The following CCDC91 variants were observed in gnomAD, a reference collection of about 807,000 sequenced individuals.
CCDC91 encodes coiled-coil domain containing 91.
In CCDC91, 48 loss-of-function variants were observed where a neutral mutation model predicts 63.2. That is an observed-to-expected ratio of 0.76 (90% CI 0.60 to 0.97). The LOEUF is 0.97. CCDC91 is among the 50% of genes least tolerant of loss of function. CCDC91 has a pLI of 0.00. For missense variants in CCDC91, 500 were observed against 494.6 expected (o/e 1.01, Z -0.10); for synonymous variants, 167 against 165.8 (o/e 1.01, Z -0.06).
intron 6 of CCDC91, among the ~76,000 whole-genome samples, chr12:28,317,525 C>A (rs768232695): frequency 1.3e-5 from 2 of 151,772 alleles, no homozygotes; most frequent in African/African-American, 2.4e-5. Context: ...GTGTCTGTGT[C>A]TCTAAGAATT....
chr12:28,241,891 GA>G (rs1945360477), intron 1 of CCDC91, among the ~76,000 whole-genome samples: 2 of 151,016 alleles, frequency 1.3e-5, no homozygotes, highest in South Asian at 4.2e-4. Context: ...AGCTACTTGG[GA>G]GGTTGAGGCA....
intron 3 of CCDC91, among the ~76,000 whole-genome samples, chr12:28,264,903 CCCGTGCA>C (rs1278048216): frequency 4.6e-5 from 7 of 151,860 alleles, no homozygotes; most frequent in Admixed American, 1.3e-4. Flanking sequence ...AATGCCATGA[CCCGTGCA>C]CCTTATTTCA....
At chr12:28,518,701 G>T (rs944050041) in intron 12 of CCDC91, among the ~76,000 whole-genome samples, 6 of 151,794 alleles carry the variant, frequency 4.0e-5, no homozygotes, top group African/African-American at 1.5e-4. Flanking sequence ...ATTTGTTTTT[G>T]GGTTCTTGGT....
chr12:28,368,811 A>C (rs1321503012), intron 7 of CCDC91, among the ~76,000 whole-genome samples: 3 of 150,362 alleles, frequency 2.0e-5, no homozygotes, highest in Non-Finnish European at 4.5e-5. Context: ...TTCACAAGGC[A>C]GCAGTGGGGA....
At chr12:28,296,947 T>C (rs564998305) in intron 3 of CCDC91, among the ~76,000 whole-genome samples, 1 of 151,946 alleles carries the variant, frequency 6.6e-6, no homozygotes, top group East Asian at 1.9e-4. Flanking sequence ...GAAAATACAT[T>C]TGGGGATCAG....
intron 12 of CCDC91, among the ~76,000 whole-genome samples, chr12:28,532,718 C>G (rs553735893): frequency 2.6e-5 from 4 of 152,138 alleles, no homozygotes; most frequent in African/African-American, 9.6e-5. Context: ...AACTAGGAAG[C>G]TTATGATAAA....
At chr12:28,527,487 A>C (rs1348480259) in intron 12 of CCDC91, among the ~76,000 whole-genome samples, 1 of 152,218 alleles carries the variant, frequency 6.6e-6, no homozygotes, top group Non-Finnish European at 1.5e-5. Flanking sequence ...GGATACGAGC[A>C]CCTGCTCGGG....
At chr12:28,236,336 A>G (rs1056074198) in intron 1 of CCDC91, 4 of 151,996 alleles carry the variant, frequency 2.6e-5, no homozygotes, top group African/African-American at 7.2e-5. Flanking sequence ...ACTTGATTTT[A>G]TGTTATTTGA....
intron 12 of CCDC91, among the ~76,000 whole-genome samples, chr12:28,513,186 A>G (rs1366283249): frequency 6.6e-6 from 1 of 151,886 alleles, no homozygotes; most frequent in African/African-American, 2.4e-5. Flanking sequence ...ATGCAGCTAC[A>G]TCATAATAAT....
At chr12:28,314,672 C>T (rs1939658655) in intron 6 of CCDC91, among the ~76,000 whole-genome samples, 1 of 151,872 alleles carries the variant, frequency 6.6e-6, no homozygotes, top group African/African-American at 2.4e-5. Flanking sequence ...GTATCTTTGT[C>T]AGAATTGTAG....
At chr12:28,474,200 G>A (rs1329402218) in intron 11 of CCDC91, among the ~76,000 whole-genome samples, 1 of 152,006 alleles carries the variant, frequency 6.6e-6, no homozygotes, top group East Asian at 1.9e-4. Context: ...ACTCCACTCT[G>A]CCTTAAAAGT....
intron 8 of CCDC91, among the ~76,000 whole-genome samples, chr12:28,442,637 A>G (rs1189224862): frequency 6.6e-6 from 1 of 152,114 alleles, no homozygotes; most frequent in African/African-American, 2.4e-5. Context: ...CTCAGAGGGC[A>G]TGGATCTAGA....
rs182266936 is a variant in CCDC91 at position 28,362,366 on chromosome 12, A to G, written c.577-72A>G. The G allele has an allele frequency of 9.5e-5, 102 of 1,071,588 alleles. No homozygotes were observed. The East Asian group carries it at 2.5e-3, about 27-fold the overall frequency. 66.4% of individuals were successfully genotyped at this position (1,071,588 alleles called of 1,614,324 possible). A position where few individuals can be genotyped will look rare whatever the true frequency, so the allele number is the denominator to read the frequency against. On this transcript the variant is annotated intron_variant, in intron 6 of 12. Transcript: ENST00000536442. The stretch of plus-strand genomic sequence containing the variant: ...CTGAATCATTCGTGGAAGCAGCAAA[A>G]GTCTATGGTTTTATTATTTTGAAAA...
intron 3 of CCDC91, among the ~76,000 whole-genome samples, chr12:28,287,158 G>T (rs920706801): frequency 6.6e-6 from 1 of 152,006 alleles, no homozygotes; most frequent in African/African-American, 2.4e-5. Context: ...TCTGTAGATT[G>T]TCTGTATACT....
In CCDC91 at chr12:28,371,163, T is replaced by C. The variant is rs78511704; in HGVS notation, c.654+8648T>C. Among the ~76,000 whole-genome samples, 1,402 of 152,276 alleles carry C rather than the reference T, an allele frequency of 9.2e-3. 26 individuals carry two copies. The highest frequency in any genetic ancestry group is 0.032 in the African/African-American group (1,332 of 41,558). On this transcript the variant is annotated intron_variant, in intron 7 of 12. Transcript: ENST00000536442. ...GTGGTGGTTTGTATAGCAGGGGTCC[T>C]TAACCCCCAGGCTGTGGACCGGTAC...
intron 12 of CCDC91, among the ~76,000 whole-genome samples, chr12:28,509,464 GT>G (rs1436001465): frequency 6.6e-6 from 1 of 151,812 alleles, no homozygotes; most frequent in Non-Finnish European, 1.5e-5. Context: ...TATTTATTAT[GT>G]TTAAACAAAA....
intron 3 of CCDC91, among the ~76,000 whole-genome samples, chr12:28,273,698 T>A (rs1947967266): frequency 6.6e-6 from 1 of 152,048 alleles, no homozygotes; most frequent in South Asian, 2.1e-4. Flanking sequence ...TTTGTTTTTT[T>A]CTTGTAAATT....
At chr12:28,305,369 G>A (rs1372454263) in intron 3 of CCDC91, among the ~76,000 whole-genome samples, 1 of 151,866 alleles carries the variant, frequency 6.6e-6, no homozygotes, top group Non-Finnish European at 1.5e-5. Flanking sequence ...ACTCCTTATG[G>A]CACTGTGTTG....
At chr12:28,452,964 C>T (rs549704387) in intron 11 of CCDC91, among the ~76,000 whole-genome samples, 14 of 151,536 alleles carry the variant, frequency 9.2e-5, no homozygotes, top group African/African-American at 3.1e-4. Context: ...GTTGTTTTTC[C>T]TTTTCTCATA....
Sources: gnomAD v4.1 joint callset for allele counts (sites outside exome capture counted in the v4.1 genomes callset) on GRCh38, gnomAD v4.1.1 for gene constraint, MANE v1.5 for transcripts, NCBI Gene and HGNC (gene_info 2026-07-23, HGNC 2026-07-21) for gene names.